EDA: variants seen among roughly 807,000 people sequenced by gnomAD.
EDA encodes ectodysplasin-A.
Under a neutral mutation model 23.6 loss-of-function variants are expected in EDA, and 2 were observed. The observed-to-expected ratio is 0.08, with a 90% CI of 0.03 to 0.27. EDA has a LOEUF of 0.27. EDA is among the 10% of genes least tolerant of loss of function. EDA has a pLI of 1.00. For missense variants in EDA, 229 were observed against 324.2 expected, an observed-to-expected ratio of 0.71 and a Z score of 2.26; for synonymous variants, 131 against 132.0, an observed-to-expected ratio of 0.99 and a Z score of 0.05.
At chrX:70,001,339 A>G (rs1279497820) in intron 2 of EDA, among the ~76,000 whole-genome samples, 3 of 111,728 alleles carry the variant, frequency 2.7e-5, no homozygotes, top group Admixed American at 9.5e-5. Context: ...CTGGGACCCA[A>G]TCTAGAGCCA....
chrX:69,974,104 G>A (rs1334405491), intron 2 of EDA, among the ~76,000 whole-genome samples: 2 of 108,481 alleles, frequency 1.8e-5, no homozygotes, highest in African/African-American at 6.7e-5. Flanking sequence ...AATGAACACA[G>A]GATTCAGGAT....
intron 1 of EDA, among the ~76,000 whole-genome samples, chrX:69,710,574 C>T (rs2011957741): frequency 9.0e-6 from 1 of 111,619 alleles, no homozygotes; most frequent in African/African-American, 3.3e-5. Flanking sequence ...CCATAAATTA[C>T]CTTAGGCAGT....
intron 1 of EDA, among the ~76,000 whole-genome samples, chrX:69,901,980 G>T (rs1240879366): frequency 8.9e-6 from 1 of 112,164 alleles, no homozygotes; most frequent in Non-Finnish European, 1.9e-5. Flanking sequence ...CTAGCACATA[G>T]TAGGTGTTAA....
At chrX:69,943,915 C>T (rs755788428) in intron 1 of EDA, among the ~76,000 whole-genome samples, 14 of 107,721 alleles carry the variant, frequency 1.3e-4, no homozygotes, top group Non-Finnish European at 2.7e-4. Flanking sequence ...TCTTCCTTAC[C>T]CTTTCCTCAA....
At chrX:70,026,784 C>T (rs2020110665) in intron 3 of EDA, among the ~76,000 whole-genome samples, 1 of 110,455 alleles carries the variant, frequency 9.1e-6, no homozygotes, top group Admixed American at 9.6e-5. Context: ...AACTTGCTGC[C>T]TCCTCCTCAG....
At chrX:69,662,280 C>T (rs1933536046) in intron 1 of EDA, among the ~76,000 whole-genome samples, 1 of 111,648 alleles carries the variant, frequency 9.0e-6, no homozygotes, top group African/African-American at 3.3e-5. Flanking sequence ...CCCATAATTC[C>T]CACATATCAT....
chrX:70,016,668 TG>T (rs2019955053), intron 2 of EDA, among the ~76,000 whole-genome samples: 1 of 111,534 alleles, frequency 9.0e-6, no homozygotes, highest in Non-Finnish European at 1.9e-5. Context: ...AGAAATTCTT[TG>T]AAACTAATGA....
chrX:69,724,553 T>C (rs1310994563), intron 1 of EDA, among the ~76,000 whole-genome samples: 1 of 111,725 alleles, frequency 9.0e-6, no homozygotes, highest in Non-Finnish European at 1.9e-5. Flanking sequence ...CCTCCTTCGT[T>C]AAACTCTGTT....
chrX:70,023,274 G>GT (rs1468591764), intron 3 of EDA, 33 bp downstream of exon 3: 9 of 1,040,273 alleles, frequency 8.7e-6, no homozygotes, highest in Non-Finnish European at 1.2e-5. Context: ...TTGCTGTCTT[G>GT]TCATATATTT....
chrX:69,877,271 G>A (rs1392966882), intron 1 of EDA, among the ~76,000 whole-genome samples: 2 of 112,141 alleles, frequency 1.8e-5, no homozygotes, highest in African/African-American at 3.2e-5. Context: ...TCATACCACT[G>A]TATTCCAGCC....
At chrX:69,857,547 A>G (rs1016711068) in intron 1 of EDA, among the ~76,000 whole-genome samples, 3 of 109,643 alleles carry the variant, frequency 2.7e-5, no homozygotes, top group Non-Finnish European at 3.8e-5. Flanking sequence ...TTTTGGTTCT[A>G]TATGAATTTT....
At chrX:69,891,239 G>A (rs1472495496) in intron 1 of EDA, among the ~76,000 whole-genome samples, 1 of 111,586 alleles carries the variant, frequency 9.0e-6, no homozygotes, top group Non-Finnish European at 1.9e-5. Context: ...AATAACAGAT[G>A]CTGGCAAGGT....
At chrX:69,882,309 C>T (rs2017760138) in intron 1 of EDA, among the ~76,000 whole-genome samples, 1 of 111,773 alleles carries the variant, frequency 8.9e-6, no homozygotes, top group Non-Finnish European at 1.9e-5. Flanking sequence ...GCAGTCTAAG[C>T]ATGTAAGGGT....
chrX:69,685,506 G>A (rs989020852), intron 1 of EDA, among the ~76,000 whole-genome samples: 1 of 111,968 alleles, frequency 8.9e-6, no homozygotes, highest in African/African-American at 3.2e-5. Flanking sequence ...CAAAACTTGA[G>A]TGAACTATGA....
At chrX:69,718,594 C>T (rs1431881883) in intron 1 of EDA, among the ~76,000 whole-genome samples, 1 of 110,549 alleles carries the variant, frequency 9.0e-6, no homozygotes, top group East Asian at 2.8e-4. Flanking sequence ...TTGTGAATTA[C>T]ATTGATTGAT....
chrX:69,753,232 C>G, intron 1 of EDA, among the ~76,000 whole-genome samples: 1 of 111,923 alleles, frequency 8.9e-6, no homozygotes, highest in Non-Finnish European at 1.9e-5. Flanking sequence ...GAATTTCCCT[C>G]TACACACTGC....
At chrX:69,884,785 T>C (rs777942112) in intron 1 of EDA, among the ~76,000 whole-genome samples, 5 of 112,333 alleles carry the variant, frequency 4.5e-5, no homozygotes, top group Non-Finnish European at 9.4e-5. Context: ...AACATTCATG[T>C]ACAAATTTTT....
At chrX:69,731,990 C>G (rs760739181) in intron 1 of EDA, among the ~76,000 whole-genome samples, 3 of 111,221 alleles carry the variant, frequency 2.7e-5, no homozygotes, top group African/African-American at 9.8e-5. Flanking sequence ...TGAATTTTGC[C>G]TAATATATTT....
At chrX:69,961,293 A>G (rs895798468) in intron 2 of EDA, among the ~76,000 whole-genome samples, 1 of 111,140 alleles carries the variant, frequency 9.0e-6, no homozygotes, top group African/African-American at 3.3e-5. Context: ...CTTTCTAGGA[A>G]CTATAGATAT....
Sources: allele counts gnomAD v4.1 joint callset (sites outside exome capture counted in the v4.1 genomes callset), GRCh38; gene constraint gnomAD v4.1.1; transcripts MANE v1.5; gene names NCBI Gene and HGNC (gene_info 2026-07-23, HGNC 2026-07-21).